ATP10B: variants seen among roughly 807,000 people sequenced by gnomAD.
ATP10B encodes the protein phospholipid-transporting ATPase VB.
In ATP10B, 122 loss-of-function variants were observed where a neutral mutation model predicts 141.2. The ratio of observed to expected loss-of-function variants is 0.86; its 90% CI spans 0.75 to 1.00. The LOEUF is 1.00. Ranked by LOEUF, ATP10B falls within the 50% of genes least tolerant of loss-of-function variation. The probability of loss-of-function intolerance (pLI) is 0.00; values close to 1 mark genes in which losing one functional copy is unlikely to be tolerated. For missense variants in ATP10B, 1,876 were observed against 1,825.3 expected (o/e 1.03, Z -0.51); for synonymous variants, 685 against 692.0 (o/e 0.99, Z 0.16).
chr5:160,880,220 TAAATA>T, the ATP10B span, among the ~76,000 whole-genome samples: 1 of 47,832 alleles, frequency 2.1e-5, no homozygotes, highest in African/African-American at 4.8e-5. Context: ...ATATAAAATA[TAAATA>T]AAATATAAAT....
chr5:160,567,438 C>A (rs1477963275), intron 25 of ATP10B, among the ~76,000 whole-genome samples: 1 of 152,074 alleles, frequency 6.6e-6, no homozygotes, highest in Non-Finnish European at 1.5e-5. Flanking sequence ...TAACTATAGT[C>A]ACATGTTAAA....
chr5:160,837,043 A>G (rs1775485756), intron 1 of ATP10B, among the ~76,000 whole-genome samples: 1 of 152,156 alleles, frequency 6.6e-6, no homozygotes, highest in Admixed American at 6.6e-5. Context: ...CTAGGCATAT[A>G]CATACACGAT....
the ATP10B span, among the ~76,000 whole-genome samples, chr5:160,872,925 T>C: frequency 6.6e-6 from 1 of 152,122 alleles, no homozygotes; most frequent in Non-Finnish European, 1.5e-5. Flanking sequence ...CGGTGGTATT[T>C]TGATGGGGAT....
intron 7 of ATP10B, among the ~76,000 whole-genome samples, chr5:160,653,248 ACG>A (rs1761049910): frequency 1.5e-5 from 2 of 130,772 alleles, no homozygotes; most frequent in Admixed American, 8.6e-5. Context: ...ATATATACAT[ACG>A]TAGTATATAT....
chr5:160,657,781 A>C (rs1761608545), intron 7 of ATP10B, among the ~76,000 whole-genome samples: 1 of 152,184 alleles, frequency 6.6e-6, no homozygotes, highest in Non-Finnish European at 1.5e-5. Flanking sequence ...ATGCAGTCGC[A>C]CCCTGTATCT....
intron 2 of ATP10B, among the ~76,000 whole-genome samples, chr5:160,771,514 A>G (rs1265842441): frequency 2.0e-5 from 3 of 152,208 alleles, no homozygotes; most frequent in African/African-American, 4.8e-5. Context: ...TAAAAGGTAT[A>G]TGTCCTTAAA....
At chr5:160,649,991 C>T (rs1177725858) in intron 7 of ATP10B, among the ~76,000 whole-genome samples, 4 of 151,790 alleles carry the variant, frequency 2.6e-5, no homozygotes, top group Admixed American at 1.3e-4. Context: ...TGCCTCTAAT[C>T]TCAGCTACTC....
intron 21 of ATP10B, among the ~76,000 whole-genome samples, chr5:160,599,676 C>A (rs993545921): frequency 1.3e-5 from 2 of 152,190 alleles, no homozygotes; most frequent in Admixed American, 1.3e-4. Context: ...AATGGTCATG[C>A]AGCTCAGAAG....
intron 1 of ATP10B, among the ~76,000 whole-genome samples, chr5:160,818,035 C>G (rs1695009540): frequency 6.6e-6 from 1 of 152,124 alleles, no homozygotes; most frequent in South Asian, 2.1e-4. Context: ...AGACTTAAAA[C>G]CATAAAAACC....
intron 2 of ATP10B, among the ~76,000 whole-genome samples, chr5:160,725,903 G>GT (rs371308289): frequency 9.9e-5 from 15 of 151,982 alleles, no homozygotes; most frequent in African/African-American, 3.4e-4. Context: ...AAATTTTTTT[G>GT]TTTTTTTCTT....
At chr5:160,808,283 TC>T (rs1772921020) in intron 1 of ATP10B, among the ~76,000 whole-genome samples, 1 of 152,186 alleles carries the variant, frequency 6.6e-6, no homozygotes, top group Admixed American at 6.5e-5. Context: ...TTCGAAACTT[TC>T]TAATGAATTT....
chr5:160,797,709 C>T (rs903850417), intron 1 of ATP10B, among the ~76,000 whole-genome samples: 1 of 151,758 alleles, frequency 6.6e-6, no homozygotes, highest in Non-Finnish European at 1.5e-5. Context: ...TTCAAACCTA[C>T]ATTTTAATGA....
At chr5:160,826,882 G>C (rs762591676) in intron 1 of ATP10B, among the ~76,000 whole-genome samples, 1 of 152,278 alleles carries the variant, frequency 6.6e-6, no homozygotes, top group Non-Finnish European at 1.5e-5. Context: ...TGCCAGCATG[G>C]TAAATATTTG....
rs1233206892 is a variant in ATP10B, at chr5:160,634,475, G to A, written c.1260C>T (p.Ile420=). Residue 420 remains isoleucine, a synonymous_variant, in exon 12 of 26, where the codon ATC becomes ATT. Coordinates refer to ENST00000327245, the MANE Select transcript of ATP10B (RefSeq NM_025153.3). ...DLSIQCRALN[I]AEDLGQIQYI... is the part of the protein sequence containing the mutation. ...ACTGGATCTGGCCCAAGTCCTCTGC[G>A]ATGTTGAGGGCTCGACATTGAATGG... 3 of 1,614,018 alleles carry A rather than the reference G, an allele frequency of 1.9e-6. No individual in the cohort carries two copies. Among genetic ancestry groups the A allele is most frequent in the Admixed American group, 1.7e-5 (1 of 60,004 alleles).
chr5:160,907,059 C>A, the ATP10B span, among the ~76,000 whole-genome samples: 1 of 152,148 alleles, frequency 6.6e-6, no homozygotes, highest in East Asian at 1.9e-4. Context: ...GTGTGGAGCC[C>A]TGGGGAAGGA....
At chr5:160,732,953 C>G (rs1006774614) in intron 2 of ATP10B, among the ~76,000 whole-genome samples, 4 of 152,184 alleles carry the variant, frequency 2.6e-5, no homozygotes, top group Admixed American at 2.6e-4. Flanking sequence ...ATGTGATCCT[C>G]CTACCTCAGC....
chr5:160,683,493 C>G (rs949067974), intron 6 of ATP10B, among the ~76,000 whole-genome samples: 1 of 152,220 alleles, frequency 6.6e-6, no homozygotes, highest in East Asian at 1.9e-4. Flanking sequence ...GCAGCCAGCT[C>G]TAAGCTGGCC....
chr5:160,616,231 G>A (rs1407625953), intron 16 of ATP10B, among the ~76,000 whole-genome samples: 3 of 152,096 alleles, frequency 2.0e-5, no homozygotes, highest in Admixed American at 2.0e-4. Flanking sequence ...CTTATATGGT[G>A]GTGGAAGGTG....
chr5:160,760,895 C>T (rs76192562), intron 2 of ATP10B, among the ~76,000 whole-genome samples: 47,718 of 151,762 alleles, frequency 0.31, 7,794 homozygotes, highest in Non-Finnish European at 0.36. Flanking sequence ...AGCTCAGACC[C>T]ACCTACCCTC....
Sources: gnomAD v4.1 joint callset for allele counts (sites outside exome capture counted in the v4.1 genomes callset) on GRCh38, gnomAD v4.1.1 for gene constraint, MANE v1.5 for transcripts, NCBI Gene and HGNC (gene_info 2026-07-23, HGNC 2026-07-21) for gene names.